The following ZNG1F variants were observed in gnomAD, a reference collection of about 807,000 sequenced individuals.
ZNG1F encodes Zn regulated GTPase metalloprotein activator 1F, also known as zinc-regulated GTPase metalloprotein activator 1F.
the ZNG1F span, among the ~76,000 whole-genome samples, chr9:41,186,991 CT>C: frequency 7.1e-6 from 1 of 141,072 alleles, no homozygotes; most frequent in East Asian, 2.1e-4. Context: ...TGAGGAAGAT[CT>C]TAAAACCAGT....
chr9:41,203,092 T>C, the ZNG1F span, among the ~76,000 whole-genome samples: 4 of 151,752 alleles, frequency 2.6e-5, no homozygotes, highest in South Asian at 2.1e-4. Context: ...GCAGGGATAC[T>C]ACAAGTTGAT....
the ZNG1F span, chr9:41,164,973 T>C: frequency 3.8e-6 from 6 of 1,576,452 alleles, 1 homozygote; most frequent in African/African-American, 1.4e-5. Flanking sequence ...TATGGATCTG[T>C]AGGCACTTAA....
At chr9:41,185,626 T>C in the ZNG1F span, among the ~76,000 whole-genome samples, 1 of 151,794 alleles carries the variant, frequency 6.6e-6, no homozygotes, top group Non-Finnish European at 1.5e-5. Flanking sequence ...TGAGCTGAGA[T>C]TGCACCACTG....
the ZNG1F span, among the ~76,000 whole-genome samples, chr9:41,154,695 A>C: frequency 6.7e-6 from 1 of 149,220 alleles, no homozygotes; most frequent in Non-Finnish European, 1.5e-5. Context: ...CTCAGAAATA[A>C]TGCCGCATAT....
the ZNG1F span, among the ~76,000 whole-genome samples, chr9:41,140,140 TAC>T: frequency 2.1e-5 from 3 of 141,816 alleles, no homozygotes; most frequent in East Asian, 6.3e-4. Flanking sequence ...ATAAAAAATA[TAC>T]AGTCATGGAT....
At chr9:41,179,922 CA>C in the ZNG1F span, among the ~76,000 whole-genome samples, 274 of 129,136 alleles carry the variant, frequency 2.1e-3, 40 homozygotes, top group African/African-American at 8.8e-3. Context: ...TCAACTAATG[CA>C]GCAAACTTCA....
At chr9:41,153,769 TAGATGC>T in the ZNG1F span, among the ~76,000 whole-genome samples, 1,181 of 125,978 alleles carry the variant, frequency 9.4e-3, 10 homozygotes, top group Non-Finnish European at 0.016. Context: ...ATTATCTCAA[TAGATGC>T]AGAAAAGGCC....
At chr9:41,132,564 T>C in the ZNG1F span, 1 of 1,379,090 alleles carries the variant, frequency 7.3e-7, no homozygotes, top group African/African-American at 1.5e-5. Context: ...TTCTGTGTAT[T>C]GATTTTTTTT....
At chr9:41,166,466 ATATATAT>A in the ZNG1F span, among the ~76,000 whole-genome samples, 73 of 142,146 alleles carry the variant, frequency 5.1e-4, no homozygotes, top group African/African-American at 1.8e-3. Context: ...ATATATATAT[ATATATAT>A]AAAATCTTCA....
At chr9:41,175,255 A>G in the ZNG1F span, among the ~76,000 whole-genome samples, 1 of 145,790 alleles carries the variant, frequency 6.9e-6, no homozygotes, top group African/African-American at 2.6e-5. Flanking sequence ...TGCAAGATAT[A>G]GCAAGGGCCA....
At chr9:41,201,299 G>C in the ZNG1F span, among the ~76,000 whole-genome samples, 1 of 141,826 alleles carries the variant, frequency 7.1e-6, no homozygotes, top group African/African-American at 2.6e-5. Context: ...ATATATGTAT[G>C]TGGAAGCAAT....
chr9:41,151,343 G>A, the ZNG1F span, among the ~76,000 whole-genome samples: 1 of 149,262 alleles, frequency 6.7e-6, no homozygotes, highest in Non-Finnish European at 1.5e-5. Flanking sequence ...AAGAAATATG[G>A]GACTATGTGA....
At chr9:41,149,878 C>A in the ZNG1F span, among the ~76,000 whole-genome samples, 1 of 151,148 alleles carries the variant, frequency 6.6e-6, no homozygotes, top group African/African-American at 2.4e-5. Context: ...ACAAGAATAA[C>A]TAATCTTTCT....
At chr9:41,201,048 C>T in the ZNG1F span, among the ~76,000 whole-genome samples, 1 of 143,778 alleles carries the variant, frequency 7.0e-6, no homozygotes, top group Admixed American at 7.2e-5. Flanking sequence ...CATGTGCATG[C>T]AGAAAATTAT....
the ZNG1F span, among the ~76,000 whole-genome samples, chr9:41,187,716 C>T: frequency 7.8e-6 from 1 of 128,396 alleles, no homozygotes; most frequent in Non-Finnish European, 1.7e-5. Context: ...TGGTAACAGA[C>T]GAAGTTTCAG....
At chr9:41,192,919 G>T in the ZNG1F span, among the ~76,000 whole-genome samples, 1 of 151,708 alleles carries the variant, frequency 6.6e-6, no homozygotes, top group Non-Finnish European at 1.5e-5. Context: ...TCCTCATTTA[G>T]CTTTGCTATT....
chr9:41,174,091 G>A, the ZNG1F span, among the ~76,000 whole-genome samples: 7 of 146,216 alleles, frequency 4.8e-5, no homozygotes, highest in Admixed American at 4.2e-4. Flanking sequence ...GTACGATGGT[G>A]CACGCCTGTA....
chr9:41,152,334 G>A, the ZNG1F span, among the ~76,000 whole-genome samples: 3 of 149,324 alleles, frequency 2.0e-5, no homozygotes, highest in Admixed American at 6.8e-5. Flanking sequence ...CAATACAGGA[G>A]CACCCAGATT....
chr9:41,132,356 C>A, the ZNG1F span: 4 of 1,603,906 alleles, frequency 2.5e-6, no homozygotes, highest in East Asian at 9.0e-5. Context: ...TGACACCAAT[C>A]CCTGCTCAAA....
Sources: gnomAD v4.1 joint callset for allele counts (sites outside exome capture counted in the v4.1 genomes callset) on GRCh38, gnomAD v4.1.1 for gene constraint, MANE v1.5 for transcripts, NCBI Gene and HGNC (gene_info 2026-07-23, HGNC 2026-07-21) for gene names.